The following ASCC3 variants were observed in gnomAD, a reference collection of about 807,000 sequenced individuals.
The protein encoded by ASCC3 is activating signal cointegrator 1 complex subunit 3.
A neutral mutation model predicts 256.3 loss-of-function variants in ASCC3; 158 were observed. That is an observed-to-expected ratio of 0.62 (90% CI 0.54 to 0.70). The LOEUF (loss-of-function observed/expected upper bound fraction) is 0.70. Ranked by LOEUF, ASCC3 falls within the 30% of genes least tolerant of loss-of-function variation. The pLI is 0.00. For synonymous variants in ASCC3, 948 were observed against 883.4 expected, an observed-to-expected ratio of 1.07 and a Z score of -1.30; for missense variants, 2,259 against 2,626.0, an observed-to-expected ratio of 0.86 and a Z score of 3.05.
chr6:100,526,328 C>T (rs1177450679), intron 37 of ASCC3, among the ~76,000 whole-genome samples: 1 of 152,180 alleles, frequency 6.6e-6, no homozygotes, highest in South Asian at 2.1e-4. Flanking sequence ...AAGCATTACT[C>T]ATTTCCTACA....
intron 34 of ASCC3, 40 bp from the exon 35 acceptor site, chr6:100,590,099 A>T: frequency 7.2e-7 from 1 of 1,393,080 alleles, no homozygotes; most frequent in South Asian, 1.2e-5. Context: ...GTTTCAAGAC[A>T]TTTTCTACTA....
In ASCC3 at chr6:100,629,084, T is replaced by C; in HGVS notation, c.4306A>G (p.Arg1436Gly). 6.2e-7 allele frequency: 1 copy of C among 1,613,902 alleles called. No individual in the cohort carries two copies. The highest frequency in any genetic ancestry group is 8.5e-7 in the Non-Finnish European group (1 of 1,179,920). Reference sequence around the variant, plus strand: ...ACATAGTTCCTATTTTGCCAGCTTCTGCTGACTCCATCCCACTTCTCTGGC... The same window carrying C: ...ACATAGTTCCTATTTTGCCAGCTTCCGCTGACTCCATCCCACTTCTCTGGC... ...TTPEKWDGVS[R>G]SWQNRNYVQQ... Residue 1436 changes from arginine to glycine, a missense_variant, in exon 27 of 42, where the codon AGA becomes GGA. Physicochemically the swap from Arg to Gly is moderately radical, Grantham distance 125. Around this residue, in one of 2 missense-constraint regions of ASCC3, gnomAD observed 1,839 missense variants for 2,206.7 expected, o/e 0.83. Coordinates refer to ENST00000369162, the MANE Select transcript of ASCC3 (RefSeq NM_006828.4).
In ASCC3 at chr6:100,652,851, G is replaced by T. The variant is rs765736794; in HGVS notation, c.2862C>A (p.Val954=). The change falls in exon 18 of 42, where the codon GTC becomes GTA. Residue 954 remains valine (V), a synonymous_variant. Transcript: ENST00000369162. ...PTLRKHREQL[V]IEVGRKLDKA... ...TGTCTAGTTTTCGTCCAACTTCAAT[G>T]ACCAACTGTTCTCGATGCTTTCTTA... 4.4e-5 allele frequency: 71 copies of T among 1,613,732 alleles called. No individual in the cohort carries two copies. Among genetic ancestry groups the T allele is most frequent in the Non-Finnish European group, 5.8e-5 (68 of 1,179,914 alleles).
chr6:100,691,632 C>T (rs1398987913), intron 13 of ASCC3, among the ~76,000 whole-genome samples: 1 of 151,798 alleles, frequency 6.6e-6, no homozygotes, highest in Non-Finnish European at 1.5e-5. Context: ...TTATAACATA[C>T]AGAAGAAAAT....
At chr6:100,771,358 T>C (rs1300532390) in intron 8 of ASCC3, among the ~76,000 whole-genome samples, 1 of 152,160 alleles carries the variant, frequency 6.6e-6, no homozygotes, top group African/African-American at 2.4e-5. Context: ...TCTTTGTGAA[T>C]GTGAGTTATG....
chr6:100,817,464 T>C (rs1446916084), intron 4 of ASCC3, among the ~76,000 whole-genome samples: 1 of 150,908 alleles, frequency 6.6e-6, no homozygotes, highest in Non-Finnish European at 1.5e-5. Context: ...AGAAAAACAA[T>C]AGAGAAAATA....
intron 10 of ASCC3, among the ~76,000 whole-genome samples, chr6:100,751,054 T>C (rs1010679045): frequency 1.3e-5 from 2 of 152,064 alleles, no homozygotes; most frequent in African/African-American, 4.8e-5. Context: ...CCACTACTTA[T>C]CAGATTTTCA....
intron 4 of ASCC3, among the ~76,000 whole-genome samples, chr6:100,842,049 T>C (rs1772167971): frequency 6.6e-6 from 1 of 152,170 alleles, no homozygotes; most frequent in African/African-American, 2.4e-5. Context: ...GCTCTTCTGA[T>C]TATTTGATGA....
At chr6:100,874,043 C>G (rs551619121) in intron 1 of ASCC3, among the ~76,000 whole-genome samples, 92 of 152,258 alleles carry the variant, frequency 6.0e-4, no homozygotes, top group African/African-American at 2.1e-3. Flanking sequence ...ATGAGCAACA[C>G]TAAAAATGTA....
chr6:100,723,767 A>G (rs1022779562), intron 11 of ASCC3, among the ~76,000 whole-genome samples: 1 of 149,908 alleles, frequency 6.7e-6, no homozygotes, highest in African/African-American at 2.4e-5. Context: ...AGATGACAAG[A>G]GTTCTGACAT....
At chr6:100,606,149 T>C (rs959261422) in intron 32 of ASCC3, among the ~76,000 whole-genome samples, 2 of 152,052 alleles carry the variant, frequency 1.3e-5, no homozygotes, top group African/African-American at 4.8e-5. Flanking sequence ...CGGTATAAAA[T>C]TTCTTTCTTT....
chr6:100,516,381 T>G (rs1374720997), intron 38 of ASCC3, 54 bp from the exon 39 acceptor site: 3 of 1,601,536 alleles, frequency 1.9e-6, no homozygotes, highest in Admixed American at 3.3e-5. Context: ...CAAAGAAGAT[T>G]TTCTGACAAT....
chr6:100,815,295 GC>G (rs1770685504), intron 4 of ASCC3, among the ~76,000 whole-genome samples: 1 of 152,054 alleles, frequency 6.6e-6, no homozygotes, highest in African/African-American at 2.4e-5. Flanking sequence ...AACATTCCAT[GC>G]TCATGGATTG....
Position 100,539,281 on chromosome 6 carries a change from T to G in ASCC3, c.5775+882A>C, listed in dbSNP as rs138181663. 4.7e-4 allele frequency among the ~76,000 whole-genome samples: 71 copies of G among 152,298 alleles called. 1 individual carries two copies. The East Asian group carries it at 6.0e-3, about 13-fold the overall frequency. ...AGAAATATCACTTGTCAGATTCTAG[T>G]GTAGCATTAAAGAATACCCACAATT... On this transcript the variant is annotated intron_variant, in intron 37 of 41. Transcript: ENST00000369162.
chr6:100,840,964 G>A lies in ASCC3; in HGVS notation c.801+7184C>T, dbSNP rs1327917583. Among the ~76,000 whole-genome samples, 5 of 151,990 alleles carry A rather than the reference G, an allele frequency of 3.3e-5. No individual in the cohort carries two copies. The East Asian group carries it at 9.7e-4, about 29-fold the overall frequency. Reference sequence around the variant, plus strand: ...AAAAAAAAAGAGAAAAAATTGATTGGTATCTAATAAAATACTGTGGCTTCA... The same window carrying A: ...AAAAAAAAAGAGAAAAAATTGATTGATATCTAATAAAATACTGTGGCTTCA... On this transcript the variant is annotated intron_variant, in intron 4 of 41. Coordinates refer to ENST00000369162, the MANE Select transcript of ASCC3 (RefSeq NM_006828.4).
At chr6:100,802,139 A>G (rs553821441) in intron 5 of ASCC3, among the ~76,000 whole-genome samples, 1 of 152,014 alleles carries the variant, frequency 6.6e-6, no homozygotes, top group South Asian at 2.1e-4. Flanking sequence ...TGAGTATAAC[A>G]GGCAATTTCA....
Position 100,647,367 on chromosome 6 carries a change from T to C in ASCC3, c.3337A>G (p.Ser1113Gly). ...CAAAGCCTCTTGTCAATGACTTTAC[T>C]AAGATTCAGGAGCCTGTAGGTCATG... The part of the protein sequence containing the change: ...PTMTYRLLNL[S>G]KVIDKRLWGW... The change falls in exon 21 of 42, where the codon AGT (serine) becomes GGT (glycine). Residue 1113 changes from serine (S) to glycine (G), a missense_variant. Around this residue, in one of 2 missense-constraint regions of ASCC3, gnomAD observed 1,839 missense variants for 2,206.7 expected, o/e 0.83. Coordinates refer to ENST00000369162, the MANE Select transcript of ASCC3 (RefSeq NM_006828.4). 6.2e-7 allele frequency: 1 copy of C among 1,614,064 alleles called. No individual in the cohort carries two copies. The highest frequency in any genetic ancestry group is 8.5e-7 in the Non-Finnish European group (1 of 1,179,974).
intron 16 of ASCC3, among the ~76,000 whole-genome samples, chr6:100,657,105 G>C (rs1248958815): frequency 6.6e-6 from 1 of 150,968 alleles, no homozygotes; most frequent in African/African-American, 2.4e-5. Flanking sequence ...ATGAGATTTA[G>C]TAATCTATAA....
At chr6:100,671,405 A>G (rs1279461721) in intron 14 of ASCC3, among the ~76,000 whole-genome samples, 6 of 152,116 alleles carry the variant, frequency 3.9e-5, no homozygotes, top group Non-Finnish European at 5.9e-5. Context: ...TTTTGTGAAC[A>G]GACGATTTGG....
Sources: allele counts gnomAD v4.1 joint callset (sites outside exome capture counted in the v4.1 genomes callset), GRCh38; gene constraint gnomAD v4.1.1; regional missense constraint gnomAD v4.1.1; transcripts MANE v1.5; gene names NCBI Gene and HGNC (gene_info 2026-07-23, HGNC 2026-07-21).